The following OSBPL6 variants were observed in gnomAD, a reference collection of about 807,000 sequenced individuals.
The protein encoded by OSBPL6 is oxysterol binding protein like 6.
A neutral mutation model predicts 125.8 loss-of-function variants in OSBPL6; 49 were observed. The observed-to-expected ratio is 0.39, with a 90% confidence interval of 0.31 to 0.49. OSBPL6 has a LOEUF of 0.49. OSBPL6 is among the 20% of genes least tolerant of loss of function. The probability of loss-of-function intolerance (pLI) is 0.88; values close to 1 mark genes in which losing one functional copy is unlikely to be tolerated. For synonymous variants in OSBPL6, 394 were observed against 391.8 expected, an observed-to-expected ratio of 1.01 and a Z score of -0.07; for missense variants, 986 against 1,135.4, an observed-to-expected ratio of 0.87 and a Z score of 1.89.
intron 2 of OSBPL6, among the ~76,000 whole-genome samples, chr2:178,293,005 A>AT (rs56675067): frequency 0.87 from 131,869 of 151,586 alleles, 58,387 homozygotes; most frequent in Non-Finnish European, 0.95. Context: ...TCAAATGTCT[A>AT]TTTTTTTTCA....
At chr2:178,248,393 G>A (rs1385898457) in intron 1 of OSBPL6, among the ~76,000 whole-genome samples, 4 of 152,156 alleles carry the variant, frequency 2.6e-5, no homozygotes, top group African/African-American at 4.8e-5. Flanking sequence ...TTAAAAGTTT[G>A]TATGGCTTTA....
In OSBPL6 at chr2:178,386,352, C is replaced by T. The variant is rs1032699127; in HGVS notation, c.2078-709C>T. The stretch of plus-strand genomic sequence containing the variant: ...GCACAAATAAATCTAAGTTTCCATA[C>T]GTAAAACATAAAGCCATCGTGTGAG... On this transcript the variant is annotated intron_variant, in intron 19 of 24. Coordinates refer to ENST00000190611, the MANE Select transcript of OSBPL6 (RefSeq NM_032523.4). Among the ~76,000 whole-genome samples, 12 of 152,162 alleles carry T rather than the reference C, an allele frequency of 7.9e-5. No individual in the cohort carries two copies. In the South Asian group the frequency reaches 1.2e-3, roughly 16 times the overall value.
chr2:178,312,704 C>T (rs916497390), intron 3 of OSBPL6, among the ~76,000 whole-genome samples: 12 of 152,156 alleles, frequency 7.9e-5, no homozygotes, highest in Admixed American at 2.6e-4. Context: ...GATCCACCCA[C>T]CTCAGCCTCC....
intron 2 of OSBPL6, among the ~76,000 whole-genome samples, chr2:178,299,965 A>T (rs1292718908): frequency 6.6e-6 from 1 of 152,208 alleles, no homozygotes; most frequent in Non-Finnish European, 1.5e-5. Context: ...GGATTTTCTA[A>T]TGAGGTTCCT....
At chr2:178,352,472 G>A (rs1193325738) in intron 12 of OSBPL6, among the ~76,000 whole-genome samples, 1 of 152,216 alleles carries the variant, frequency 6.6e-6, no homozygotes, top group African/African-American at 2.4e-5. Flanking sequence ...TGCCCATGGA[G>A]CCTTGCTTAC....
intron 1 of OSBPL6, among the ~76,000 whole-genome samples, chr2:178,237,746 G>T (rs2153986407): frequency 6.6e-6 from 1 of 152,290 alleles, no homozygotes; most frequent in East Asian, 1.9e-4. Context: ...GTGACAACCA[G>T]AAATGTCTCC....
chr2:178,358,051 G>A (rs183108779), intron 12 of OSBPL6, among the ~76,000 whole-genome samples: 26 of 151,914 alleles, frequency 1.7e-4, no homozygotes, highest in African/African-American at 5.8e-4. Flanking sequence ...ACTTGGACAC[G>A]GCAGGGAACA....
intron 3 of OSBPL6, among the ~76,000 whole-genome samples, chr2:178,307,296 T>C (rs1686852804): frequency 6.6e-6 from 1 of 152,162 alleles, no homozygotes; most frequent in African/African-American, 2.4e-5. Flanking sequence ...AGTACACTGC[T>C]GGGGATGCTT....
chr2:178,302,626 A>G (rs891852315), intron 2 of OSBPL6, among the ~76,000 whole-genome samples: 8 of 152,186 alleles, frequency 5.3e-5, no homozygotes, highest in African/African-American at 1.9e-4. Flanking sequence ...AACAACAACA[A>G]TAACCTCAAA....
chr2:178,215,487 A>G (rs1442138086), intron 1 of OSBPL6, among the ~76,000 whole-genome samples: 1 of 152,202 alleles, frequency 6.6e-6, no homozygotes, highest in Non-Finnish European at 1.5e-5. Flanking sequence ...TTTGCATTGG[A>G]TTGTGGTAGA....
intron 11 of OSBPL6, among the ~76,000 whole-genome samples, chr2:178,340,614 T>C (rs558784901): frequency 1.9e-4 from 29 of 152,220 alleles, no homozygotes; most frequent in African/African-American, 7.0e-4. Context: ...AAATGCATAT[T>C]ATACATGGCC....
rs1696057831 is a variant in OSBPL6, at chr2:178,399,991, T to G, written c.*4432T>G. ...TTTCTGCAATTTTTTTTTCTAGCCATTCCTTCCTCCCAAATAGAAGTGAGG... is the reference window on the plus strand; with the variant it reads ...TTTCTGCAATTTTTTTTTCTAGCCAGTCCTTCCTCCCAAATAGAAGTGAGG... On this transcript the variant is annotated 3_prime_UTR_variant, in exon 25 of 25. Transcript: ENST00000190611. 6.6e-6 allele frequency: 1 copy of G among 152,166 alleles called. No individual in the cohort carries two copies. Among genetic ancestry groups the G allele is most frequent in the Non-Finnish European group, 1.5e-5 (1 of 68,040 alleles). The allele number at this position is 152,166 out of a possible 1,614,324, so 9.4% of individuals were successfully genotyped here. A position where few individuals can be genotyped will look rare whatever the true frequency, so the allele number is the denominator to read the frequency against.
intron 1 of OSBPL6, among the ~76,000 whole-genome samples, chr2:178,280,015 T>C (rs1683988882): frequency 1.3e-5 from 2 of 151,996 alleles, no homozygotes; most frequent in South Asian, 4.2e-4. Flanking sequence ...CTGGCCAACA[T>C]GGTGAAACTC....
chr2:178,361,648 C>A, intron 12 of OSBPL6, 34 bp from the exon 13 acceptor site: 1 of 1,610,602 alleles, frequency 6.2e-7, no homozygotes, highest in Non-Finnish European at 8.5e-7. Context: ...CTGCACATAT[C>A]TGACAGTTTT....
rs75912620 is a variant in OSBPL6 at position 178,215,932 on chromosome 2, A to G, written c.-351+21258A>G. ...GGGTCTGGTGCGTGACACACACACA[A>G]TTTCATTTATTGGTTTGGAGGCTGG... On this transcript the variant is annotated intron_variant, in intron 1 of 24. Transcript: ENST00000190611. Among the ~76,000 whole-genome samples, 38 of 152,240 alleles carry G rather than the reference A, an allele frequency of 2.5e-4. No individual in the cohort carries two copies. In the East Asian group the frequency reaches 4.4e-3, roughly 18 times the overall value.
At chr2:178,284,269 T>C (rs1298345751) in intron 1 of OSBPL6, among the ~76,000 whole-genome samples, 1 of 152,016 alleles carries the variant, frequency 6.6e-6, no homozygotes, top group Non-Finnish European at 1.5e-5. Context: ...AAAAACTCTA[T>C]TGGGCCAGGC....
chr2:178,329,542 C>T (rs926964653), intron 5 of OSBPL6, among the ~76,000 whole-genome samples: 5 of 151,920 alleles, frequency 3.3e-5, no homozygotes, highest in Admixed American at 1.3e-4. Context: ...AGCCTCCCTC[C>T]AGAGTAGCTG....
At chr2:178,263,249 T>C (rs1416836838) in intron 1 of OSBPL6, among the ~76,000 whole-genome samples, 1 of 152,104 alleles carries the variant, frequency 6.6e-6, no homozygotes, top group Non-Finnish European at 1.5e-5. Context: ...AAGGCCGAGA[T>C]GGGCGGATCA....
At chr2:178,337,249 AAATTATTTTTTCT>A (rs1689769097) in intron 9 of OSBPL6, among the ~76,000 whole-genome samples, 1 of 152,142 alleles carries the variant, frequency 6.6e-6, no homozygotes, top group Admixed American at 6.5e-5. Context: ...CTATTTTTTC[AAATTATTTTTTCT>A]TATAAAATTA....
Sources: gnomAD v4.1 joint callset for allele counts (sites outside exome capture counted in the v4.1 genomes callset) on GRCh38, gnomAD v4.1.1 for gene constraint, MANE v1.5 for transcripts, NCBI Gene and HGNC (gene_info 2026-07-23, HGNC 2026-07-21) for gene names.